ATP8A2: variants seen among roughly 807,000 people sequenced by gnomAD.
ATP8A2 encodes ATPase phospholipid transporting 8A2.
ATP8A2 carries 100 observed loss-of-function variants against 165.6 expected under a neutral mutation model. That is an observed-to-expected ratio of 0.60 (90% confidence interval 0.51 to 0.71). The LOEUF (loss-of-function observed/expected upper bound fraction) is 0.71. Ranked by LOEUF, ATP8A2 falls within the 30% of genes least tolerant of loss-of-function variation. The pLI, the probability that ATP8A2 is intolerant of heterozygous loss-of-function variation, is 0.00. For missense variants in ATP8A2, 1,227 were observed against 1,479.5 expected (o/e 0.83, Z 2.80); for synonymous variants, 543 against 548.8 (o/e 0.99, Z 0.15).
intron 25 of ATP8A2, among the ~76,000 whole-genome samples, chr13:25,756,666 A>G (rs1421550579): frequency 6.6e-6 from 1 of 152,202 alleles, no homozygotes; most frequent in African/African-American, 2.4e-5. Flanking sequence ...TCTTACCTGT[A>G]AAATGGAGAG....
At chr13:25,558,293 C>T (rs576231265) in intron 13 of ATP8A2, among the ~76,000 whole-genome samples, 2 of 152,224 alleles carry the variant, frequency 1.3e-5, no homozygotes, top group South Asian at 2.1e-4. Flanking sequence ...TTTCCATACC[C>T]CTAGACTTAC....
rs151191076 is a variant in ATP8A2 at position 25,402,429 on chromosome 13, C to A, written c.76+30141C>A. 3.9e-5 allele frequency among the ~76,000 whole-genome samples: 6 copies of A among 152,244 alleles called. No homozygotes were observed. In the East Asian group the frequency reaches 9.7e-4, roughly 25 times the overall value. ...GTGTTAGGGTATGAGTATCTTTCTG[C>A]ATGGATGAAAGGGCAGGATGATTTT... is the stretch of plus-strand genomic sequence containing the variant. On this transcript the variant is annotated intron_variant, in intron 1 of 36. Transcript: ENST00000381655.
At chr13:25,978,749 G>C (rs1956115088) in intron 35 of ATP8A2, among the ~76,000 whole-genome samples, 1 of 152,098 alleles carries the variant, frequency 6.6e-6, no homozygotes, top group Admixed American at 6.5e-5. Context: ...AGACCATCCT[G>C]GCAAACACGT....
At chr13:25,968,543 C>G in intron 34 of ATP8A2, 32 bp from the exon 35 acceptor site, 1 of 1,583,666 alleles carries the variant, frequency 6.3e-7, no homozygotes, top group Non-Finnish European at 8.6e-7. Flanking sequence ...GTCTCTATGC[C>G]ATGTTCGTTT....
chr13:25,504,273 T>C (rs528014207), intron 2 of ATP8A2, among the ~76,000 whole-genome samples: 6 of 152,310 alleles, frequency 3.9e-5, no homozygotes, highest in Admixed American at 1.3e-4. Context: ...GGATTGGTAA[T>C]TGGTATAAGA....
intron 22 of ATP8A2, 131 bp from the exon 23 acceptor site, chr13:25,581,688 G>T: frequency 1.1e-6 from 1 of 899,698 alleles, no homozygotes. Context: ...GCCATCTGTA[G>T]ACACAAGTAT....
At chr13:25,500,740 C>T (rs1021620215) in intron 2 of ATP8A2, among the ~76,000 whole-genome samples, 3 of 152,024 alleles carry the variant, frequency 2.0e-5, no homozygotes, top group Non-Finnish European at 4.4e-5. Context: ...TCACCACACT[C>T]GACTAATTTT....
intron 25 of ATP8A2, among the ~76,000 whole-genome samples, chr13:25,709,171 C>A (rs555248794): frequency 6.6e-5 from 10 of 152,304 alleles, no homozygotes; most frequent in Non-Finnish European, 1.2e-4. Flanking sequence ...ATTCTTGACA[C>A]CTGGGTCATC....
In ATP8A2 at chr13:25,643,916, T is replaced by A. The variant is rs180973084; in HGVS notation, c.2211+54217T>A. 3.3e-4 allele frequency among the ~76,000 whole-genome samples: 50 copies of A among 152,212 alleles called. 1 individual carries two copies. The East Asian group carries it at 5.8e-3, about 18-fold the overall frequency. On this transcript the variant is annotated intron_variant, in intron 24 of 36. Transcript: ENST00000381655. Reference sequence around the variant, plus strand: ...ATTGTTTTTTTCATTTATTTGCATCTTTTTCCATTTCTTTCTTTAACATTT... The same window carrying A: ...ATTGTTTTTTTCATTTATTTGCATCATTTTCCATTTCTTTCTTTAACATTT...
chr13:25,499,132 C>T (rs151014055), intron 2 of ATP8A2, among the ~76,000 whole-genome samples: 102 of 152,260 alleles, frequency 6.7e-4, no homozygotes, highest in Non-Finnish European at 1.0e-3. Context: ...TATATTCTGG[C>T]CTAATTACCT....
chr13:25,694,342 C>T (rs953885936), intron 24 of ATP8A2, among the ~76,000 whole-genome samples: 3 of 152,192 alleles, frequency 2.0e-5, no homozygotes, highest in Non-Finnish European at 4.4e-5. Flanking sequence ...TGGGACTTGG[C>T]ACTGAGCTAG....
intron 33 of ATP8A2, among the ~76,000 whole-genome samples, chr13:25,949,067 G>T (rs1406064005): frequency 1.3e-5 from 2 of 152,232 alleles, no homozygotes; most frequent in Non-Finnish European, 2.9e-5. Context: ...GGGAGGAGGG[G>T]TGAGCAAAGT....
At chr13:25,534,840 G>T (rs75659760) in intron 6 of ATP8A2, among the ~76,000 whole-genome samples, 5,845 of 152,294 alleles carry the variant, frequency 0.038, 142 homozygotes, top group Non-Finnish European at 0.051. Context: ...AACCCAGATG[G>T]CTGGGCCCAC....
At position 25,516,425 on chromosome 13, in the gene ATP8A2, G is replaced by A. The variant is rs1438382310; in HGVS notation, c.222-13574G>A. 9.2e-5 allele frequency among the ~76,000 whole-genome samples: 14 copies of A among 152,282 alleles called. No individual in the cohort carries two copies. In the East Asian group the frequency reaches 2.7e-3, roughly 29 times the overall value. ...TTAGGACAGCCTTAAATCTTTCCTT[G>A]TAGTAGGGATTATTTCCCTCTGTTT... On this transcript the variant is annotated intron_variant, in intron 2 of 36. Coordinates refer to ENST00000381655, the MANE Select transcript of ATP8A2 (RefSeq NM_016529.6).
intron 33 of ATP8A2, among the ~76,000 whole-genome samples, chr13:25,911,523 A>G (rs1219553961): frequency 6.6e-6 from 1 of 152,194 alleles, no homozygotes; most frequent in Non-Finnish European, 1.5e-5. Flanking sequence ...AGAGCCACTA[A>G]AACTTATCCT....
At chr13:25,679,332 T>C (rs2042435374) in intron 24 of ATP8A2, among the ~76,000 whole-genome samples, 1 of 152,118 alleles carries the variant, frequency 6.6e-6, no homozygotes, top group African/African-American at 2.4e-5. Context: ...AAATTGAGAC[T>C]GAGTTTGGAA....
At chr13:25,481,260 A>G (rs1252335568) in intron 2 of ATP8A2, among the ~76,000 whole-genome samples, 1 of 152,054 alleles carries the variant, frequency 6.6e-6, no homozygotes, top group Non-Finnish European at 1.5e-5. Flanking sequence ...TTACTTCCCA[A>G]TATTGTTTTT....
At chr13:25,465,607 T>G (rs1048673042) in intron 1 of ATP8A2, among the ~76,000 whole-genome samples, 1 of 151,428 alleles carries the variant, frequency 6.6e-6, no homozygotes, top group Non-Finnish European at 1.5e-5. Flanking sequence ...GGTCTTGTGT[T>G]TCTTCCTTTC....
intron 27 of ATP8A2, among the ~76,000 whole-genome samples, chr13:25,808,339 T>G (rs1593378378): frequency 6.6e-6 from 1 of 151,918 alleles, no homozygotes; most frequent in Non-Finnish European, 1.5e-5. Flanking sequence ...TGGCTCACTC[T>G]TGTAATCCCA....
Sources: gnomAD v4.1 joint callset for allele counts (sites outside exome capture counted in the v4.1 genomes callset) on GRCh38, gnomAD v4.1.1 for gene constraint, MANE v1.5 for transcripts, NCBI Gene and HGNC (gene_info 2026-07-23, HGNC 2026-07-21) for gene names.